XIRP2: variants seen among roughly 807,000 people sequenced by gnomAD.
XIRP2 encodes xin actin-binding repeat-containing protein 2.
XIRP2 carries 236 observed loss-of-function variants against 277.0 expected under a neutral mutation model. That is an observed-to-expected ratio of 0.85 (90% confidence interval 0.77 to 0.95). XIRP2 has a LOEUF of 0.95. Ranked by LOEUF, XIRP2 falls within the 40% of genes least tolerant of loss-of-function variation. The probability of loss-of-function intolerance (pLI) is 0.00; values close to 1 mark genes in which losing one functional copy is unlikely to be tolerated. For synonymous variants in XIRP2, 1,490 were observed against 1,416.5 expected, an observed-to-expected ratio of 1.05 and a Z score of -1.17; for missense variants, 4,640 against 4,157.5, an observed-to-expected ratio of 1.12 and a Z score of -3.19.
At chr2:167,196,573 T>G (rs1693522874) in intron 3 of XIRP2, among the ~76,000 whole-genome samples, 1 of 152,084 alleles carries the variant, frequency 6.6e-6, no homozygotes, top group Non-Finnish European at 1.5e-5. Flanking sequence ...TTTGTGTTCC[T>G]CCTTCTGTGA....
At chr2:166,950,935 A>G (rs1197527752) in intron 2 of XIRP2, among the ~76,000 whole-genome samples, 2 of 152,094 alleles carry the variant, frequency 1.3e-5, no homozygotes, top group East Asian at 3.9e-4. Flanking sequence ...ATAGACACTC[A>G]GTATCACTCT....
At chr2:167,207,004 GAC>G (rs1693875976) in intron 3 of XIRP2, among the ~76,000 whole-genome samples, 2 of 152,014 alleles carry the variant, frequency 1.3e-5, no homozygotes, top group African/African-American at 4.8e-5. Flanking sequence ...TTCAGGATCT[GAC>G]ATTATTTTTG....
At chr2:167,072,205 C>A (rs997442721) in intron 2 of XIRP2, among the ~76,000 whole-genome samples, 2 of 152,060 alleles carry the variant, frequency 1.3e-5, no homozygotes, top group African/African-American at 4.8e-5. Context: ...TACATACATG[C>A]TGTCCTGTAT....
chr2:167,001,315 G>A (rs1382379268), intron 2 of XIRP2, among the ~76,000 whole-genome samples: 1 of 151,746 alleles, frequency 6.6e-6, no homozygotes, highest in Non-Finnish European at 1.5e-5. Context: ...CATCTTTCTG[G>A]GTATTTTCTG....
At chr2:167,065,972 A>C (rs573382665) in intron 2 of XIRP2, among the ~76,000 whole-genome samples, 1 of 152,074 alleles carries the variant, frequency 6.6e-6, no homozygotes, top group East Asian at 1.9e-4. Context: ...TTACACACTT[A>C]ATGTATGCAA....
rs1690021538 is a variant in XIRP2, at chr2:167,088,192, A to G, written c.409-47717A>G. Among the ~76,000 whole-genome samples the G allele has an allele frequency of 4.6e-5, 7 of 152,192 alleles. No homozygotes were observed. The South Asian group carries it at 1.5e-3, about 32-fold the overall frequency. On this transcript the variant is annotated intron_variant, in intron 2 of 10. Coordinates refer to ENST00000409195, the MANE Select transcript of XIRP2 (RefSeq NM_152381.6). ...AAAAGTTCAGAAATTTTCATCTGGG[A>G]CTTGGTCTGCAGCATTTTATGTATG...
chr2:167,069,014 T>C (rs1257643698), intron 2 of XIRP2, among the ~76,000 whole-genome samples: 1 of 152,190 alleles, frequency 6.6e-6, no homozygotes, highest in Non-Finnish European at 1.5e-5. Context: ...GCAGTTATAG[T>C]TGTCCCTCAA....
chr2:167,256,743 G>C (rs1241044085), intron 10 of XIRP2, among the ~76,000 whole-genome samples: 1 of 151,828 alleles, frequency 6.6e-6, no homozygotes. Context: ...AAATCAGGAT[G>C]GTTTTTCTAA....
chr2:167,048,828 A>T (rs1688850086), intron 2 of XIRP2, among the ~76,000 whole-genome samples: 1 of 151,912 alleles, frequency 6.6e-6, no homozygotes, highest in Non-Finnish European at 1.5e-5. Context: ...GAATAAGAAA[A>T]ATCCATGATG....
At chr2:167,087,748 T>G (rs1382390256) in intron 2 of XIRP2, among the ~76,000 whole-genome samples, 1 of 151,666 alleles carries the variant, frequency 6.6e-6, no homozygotes. Context: ...GAAAGGGAAC[T>G]CCCTGACCCC....
chr2:167,023,908 C>T (rs1688063382), intron 2 of XIRP2, among the ~76,000 whole-genome samples: 1 of 152,076 alleles, frequency 6.6e-6, no homozygotes, highest in Admixed American at 6.6e-5. Flanking sequence ...TGGCTGTGTT[C>T]TTTTGGCTTA....
At chr2:167,235,908 C>A (rs1366457300) in intron 5 of XIRP2, among the ~76,000 whole-genome samples, 1 of 151,828 alleles carries the variant, frequency 6.6e-6, no homozygotes, top group African/African-American at 2.4e-5. Flanking sequence ...AATGGTCACC[C>A]ACAAATTGCT....
intron 3 of XIRP2, among the ~76,000 whole-genome samples, chr2:167,180,145 C>A (rs186631060): frequency 2.0e-5 from 3 of 152,156 alleles, no homozygotes; most frequent in Non-Finnish European, 1.5e-5. Context: ...TGTCTTTTTT[C>A]TTTATTCATT....
chr2:167,034,208 C>G (rs371016474), intron 2 of XIRP2, among the ~76,000 whole-genome samples: 1 of 151,936 alleles, frequency 6.6e-6, no homozygotes, highest in East Asian at 1.9e-4. Flanking sequence ...TTTTTGCAAT[C>G]AGTGTTGTCA....
rs1695419456 is a variant in XIRP2, at chr2:167,249,954, G to A, written c.8562G>A (p.Lys2854=). ...ATAAATCAGCACCAAAGGTCGTCAAGCAAAAGGTTATCGATGCACATCTTG... is the reference window on the plus strand; with the variant it reads ...ATAAATCAGCACCAAAGGTCGTCAAACAAAAGGTTATCGATGCACATCTTG... ...LKNKSAPKVV[K]QKVIDAHLDS... Residue 2854 remains lysine (K), a synonymous_variant, in exon 9 of 11, where the codon AAG becomes AAA. Transcript: ENST00000409195. The A allele has an allele frequency of 6.2e-7, 1 of 1,613,590 alleles. No individual in the cohort carries two copies. The highest frequency in any genetic ancestry group is 8.5e-7 in the Non-Finnish European group (1 of 1,179,708).
At position 167,101,875 on chromosome 2, in the gene XIRP2, G is replaced by A. The variant is rs191714951; in HGVS notation, c.409-34034G>A. On this transcript the variant is annotated intron_variant, in intron 2 of 10. Coordinates refer to ENST00000409195, the MANE Select transcript of XIRP2 (RefSeq NM_152381.6). ...GTAATTCTCAAAATATTAATATATA[G>A]GATATTTGCATTCATTCATTCATCC... 2.0e-5 allele frequency among the ~76,000 whole-genome samples: 3 copies of A among 152,146 alleles called. No individual in the cohort carries two copies. In the East Asian group the frequency reaches 5.8e-4, roughly 29 times the overall value.
At chr2:166,921,705 A>C (rs138682648) in intron 2 of XIRP2, among the ~76,000 whole-genome samples, 149 of 152,244 alleles carry the variant, frequency 9.8e-4, no homozygotes, top group African/African-American at 3.4e-3. Flanking sequence ...ATGCTTGTTG[A>C]AATGAGCTGG....
intron 3 of XIRP2, among the ~76,000 whole-genome samples, chr2:167,202,914 A>G (rs1181879509): frequency 6.6e-6 from 1 of 152,136 alleles, no homozygotes; most frequent in Non-Finnish European, 1.5e-5. Context: ...CAGGTTCCAG[A>G]AGCTGCCTGT....
chr2:167,082,394 C>T (rs1170340675), intron 2 of XIRP2, among the ~76,000 whole-genome samples: 2 of 151,720 alleles, frequency 1.3e-5, no homozygotes, highest in Admixed American at 6.6e-5. Flanking sequence ...TGAATAATGC[C>T]GCAATAAACA....
Sources: allele counts gnomAD v4.1 joint callset (sites outside exome capture counted in the v4.1 genomes callset), GRCh38; gene constraint gnomAD v4.1.1; transcripts MANE v1.5; gene names NCBI Gene and HGNC (gene_info 2026-07-23, HGNC 2026-07-21).